Variants in KHDRBS2 observed in about 807,000 individuals in gnomAD.
KHDRBS2 encodes the protein KH domain-containing, RNA-binding, signal transduction-associated protein 2.
Under a neutral mutation model 44.3 loss-of-function variants are expected in KHDRBS2, and 26 were observed. The ratio of observed to expected loss-of-function variants is 0.59; its 90% CI spans 0.43 to 0.81. The LOEUF (loss-of-function observed/expected upper bound fraction) is 0.81, where lower values mean the gene tolerates loss of function less well. Among genes scored for constraint, KHDRBS2 ranks in the 40% least tolerant of loss-of-function variants. KHDRBS2 has a pLI of 0.00. For missense variants in KHDRBS2, 476 were observed against 433.1 expected, an observed-to-expected ratio of 1.10 and a Z score of -0.88; for synonymous variants, 194 against 151.1, an observed-to-expected ratio of 1.28 and a Z score of -2.08.
chr6:61,996,085 C>T (rs1777113186), intron 3 of KHDRBS2, among the ~76,000 whole-genome samples: 1 of 152,180 alleles, frequency 6.6e-6, no homozygotes. Context: ...GACCTCATGA[C>T]TGGCTATGTG....
chr6:61,568,649 TC>T, the KHDRBS2 span, among the ~76,000 whole-genome samples: 2 of 152,044 alleles, frequency 1.3e-5, no homozygotes, highest in Non-Finnish European at 2.9e-5. Flanking sequence ...AATCTGAAAA[TC>T]CACATCACAG....
Position 61,789,896 on chromosome 6 carries a change from A to C in KHDRBS2, c.811-57132T>G, listed in dbSNP as rs562232916. ...ACTATGCTTACTTTATTGTCAGGGA[A>C]ATAAAGTAAGGCTCAATTATTAATT... On this transcript the variant is annotated intron_variant, in intron 6 of 8. Transcript: ENST00000281156. Among the ~76,000 whole-genome samples, 3 of 151,646 alleles carry C rather than the reference A, an allele frequency of 2.0e-5. No homozygotes were observed. The East Asian group carries it at 5.8e-4, about 29-fold the overall frequency.
chr6:61,694,883 T>C (rs936525481), intron 8 of KHDRBS2, among the ~76,000 whole-genome samples: 2 of 152,212 alleles, frequency 1.3e-5, no homozygotes, highest in African/African-American at 4.8e-5. Context: ...TCTGAAATTA[T>C]GTTAATTTGT....
the KHDRBS2 span, among the ~76,000 whole-genome samples, chr6:61,605,740 C>T: frequency 1.3e-5 from 2 of 152,250 alleles, no homozygotes; most frequent in Non-Finnish European, 2.9e-5. Flanking sequence ...ATTATCTCTC[C>T]ATACCATCTG....
chr6:61,875,287 T>C (rs1159168305), intron 6 of KHDRBS2, among the ~76,000 whole-genome samples: 2 of 151,872 alleles, frequency 1.3e-5, no homozygotes, highest in Non-Finnish European at 2.9e-5. Context: ...TAATGTTCTG[T>C]GCACAGTAAA....
At chr6:61,582,009 T>C in the KHDRBS2 span, among the ~76,000 whole-genome samples, 1 of 151,654 alleles carries the variant, frequency 6.6e-6, no homozygotes, top group African/African-American at 2.4e-5. Flanking sequence ...TAAAAAGAAA[T>C]AAAAAGGAAT....
chr6:62,109,731 T>C (rs1015903599), intron 2 of KHDRBS2, among the ~76,000 whole-genome samples: 4 of 146,772 alleles, frequency 2.7e-5, no homozygotes, highest in Non-Finnish European at 6.0e-5. Context: ...CATATGTATA[T>C]GCAAAAGAGG....
At chr6:61,896,182 T>C (rs1405907330) in intron 5 of KHDRBS2, among the ~76,000 whole-genome samples, 1 of 152,222 alleles carries the variant, frequency 6.6e-6, no homozygotes, top group Non-Finnish European at 1.5e-5. Context: ...AGCACATTTC[T>C]GTTTCCTCAT....
chr6:61,966,892 C>T (rs1369751158), intron 4 of KHDRBS2, among the ~76,000 whole-genome samples: 1 of 151,748 alleles, frequency 6.6e-6, no homozygotes, highest in Non-Finnish European at 1.5e-5. Context: ...CAGAAATGCT[C>T]ATTCATTCAT....
At chr6:61,935,281 C>A (rs1209744587) in intron 4 of KHDRBS2, among the ~76,000 whole-genome samples, 2 of 152,154 alleles carry the variant, frequency 1.3e-5, no homozygotes, top group African/African-American at 4.8e-5. Context: ...ATGTTTAAAG[C>A]TCATTTATCC....
the KHDRBS2 span, among the ~76,000 whole-genome samples, chr6:61,639,189 T>C: frequency 1.3e-5 from 2 of 152,074 alleles, no homozygotes; most frequent in Non-Finnish European, 2.9e-5. Flanking sequence ...CAGTCTCCCA[T>C]ATATGGAAAA....
At chr6:61,632,163 G>A in the KHDRBS2 span, among the ~76,000 whole-genome samples, 1 of 152,104 alleles carries the variant, frequency 6.6e-6, no homozygotes, top group Non-Finnish European at 1.5e-5. Context: ...TTGGCACCAA[G>A]TATTATGAGT....
chr6:61,845,850 T>G (rs1298872558), intron 6 of KHDRBS2, among the ~76,000 whole-genome samples: 1 of 152,164 alleles, frequency 6.6e-6, no homozygotes, highest in Admixed American at 6.5e-5. Flanking sequence ...GTGATATTGT[T>G]TGGAAACTCG....
intron 3 of KHDRBS2, among the ~76,000 whole-genome samples, chr6:62,002,034 AT>A (rs1426491643): frequency 2.6e-5 from 4 of 152,114 alleles, no homozygotes. Flanking sequence ...AGAAAGTGTA[AT>A]GTTCCCTAAT....
At chr6:62,206,802 A>G (rs964279663) in intron 1 of KHDRBS2, among the ~76,000 whole-genome samples, 1 of 152,140 alleles carries the variant, frequency 6.6e-6, no homozygotes, top group Admixed American at 6.6e-5. Flanking sequence ...TATGAGGACA[A>G]GAACTGGGGA....
intron 2 of KHDRBS2, among the ~76,000 whole-genome samples, chr6:62,154,104 A>C (rs1161342300): frequency 6.6e-6 from 1 of 152,206 alleles, no homozygotes; most frequent in African/African-American, 2.4e-5. Flanking sequence ...GGGGAAAGCC[A>C]AGGAGAGTAC....
chr6:62,246,711 AT>A (rs1427527814), intron 1 of KHDRBS2, among the ~76,000 whole-genome samples: 7 of 152,044 alleles, frequency 4.6e-5, no homozygotes, highest in African/African-American at 1.7e-4. Context: ...ATCTATACAT[AT>A]TTTAGTGATT....
At chr6:61,721,277 C>T (rs1483410999) in intron 7 of KHDRBS2, among the ~76,000 whole-genome samples, 5 of 152,168 alleles carry the variant, frequency 3.3e-5, no homozygotes, top group South Asian at 2.1e-4. Context: ...TTTTTGGTTC[C>T]ATATGAACTT....
At chr6:61,592,540 T>C in the KHDRBS2 span, among the ~76,000 whole-genome samples, 1 of 152,196 alleles carries the variant, frequency 6.6e-6, no homozygotes, top group Non-Finnish European at 1.5e-5. Context: ...TGGTAGTTTA[T>C]TTCACTGAAG....
Sources: gnomAD v4.1 joint callset for allele counts (sites outside exome capture counted in the v4.1 genomes callset) on GRCh38, gnomAD v4.1.1 for gene constraint, MANE v1.5 for transcripts, NCBI Gene and HGNC (gene_info 2026-07-23, HGNC 2026-07-21) for gene names.